The following RAP1GDS1 variants were observed in gnomAD, a reference collection of about 807,000 sequenced individuals.
RAP1GDS1 encodes the protein RAP1, GTP-GDP dissociation stimulator 1.
RAP1GDS1 carries 35 observed loss-of-function variants against 71.1 expected under a neutral mutation model. The observed-to-expected ratio is 0.49, with a 90% CI of 0.38 to 0.65. The LOEUF is 0.65. Ranked by LOEUF, RAP1GDS1 falls within the 30% of genes least tolerant of loss-of-function variation. The probability of loss-of-function intolerance (pLI) is 0.00; values close to 1 mark genes in which losing one functional copy is unlikely to be tolerated. For synonymous variants in RAP1GDS1, 229 were observed against 243.1 expected, an observed-to-expected ratio of 0.94 and a Z score of 0.54; for missense variants, 663 against 706.1, an observed-to-expected ratio of 0.94 and a Z score of 0.69.
At chr4:98,325,513 G>A (rs1435301420) in intron 2 of RAP1GDS1, among the ~76,000 whole-genome samples, 2 of 151,544 alleles carry the variant, frequency 1.3e-5, no homozygotes, top group African/African-American at 2.4e-5. Flanking sequence ...CAAAGACTTG[G>A]AACCAACCCA....
intron 2 of RAP1GDS1, among the ~76,000 whole-genome samples, chr4:98,304,336 C>T (rs1023775463): frequency 3.3e-5 from 5 of 152,214 alleles, no homozygotes; most frequent in African/African-American, 1.2e-4. Flanking sequence ...GTTCCTATTT[C>T]TCCACAGCCT....
rs367781468 is a variant in RAP1GDS1, at chr4:98,290,972, C to T, written c.5-2436C>T. ...AAAGGGGCAGATAGAGAAGGAAGATCTATTGAAGAAGACCAAAAACAAGTG... is the reference window on the plus strand; with the variant it reads ...AAAGGGGCAGATAGAGAAGGAAGATTTATTGAAGAAGACCAAAAACAAGTG... On this transcript the variant is annotated intron_variant, in intron 1 of 14. Transcript: ENST00000408927. 9.0e-4 allele frequency among the ~76,000 whole-genome samples: 137 copies of T among 152,166 alleles called. 1 individual carries two copies. The Middle Eastern group carries it at 0.014, about 15-fold the overall frequency.
chr4:98,324,465 C>G (rs1414422516), intron 2 of RAP1GDS1, among the ~76,000 whole-genome samples: 3 of 150,646 alleles, frequency 2.0e-5, no homozygotes, highest in South Asian at 4.2e-4. Context: ...ATCGCCAAGT[C>G]AATCCTAAGC....
chr4:98,309,168 T>C (rs1729832996), intron 2 of RAP1GDS1, among the ~76,000 whole-genome samples: 1 of 152,034 alleles, frequency 6.6e-6, no homozygotes, highest in South Asian at 2.1e-4. Context: ...AAATTTTTAA[T>C]AAATTAGAAC....
chr4:98,298,145 T>A (rs1254001038), intron 2 of RAP1GDS1, among the ~76,000 whole-genome samples: 1 of 152,120 alleles, frequency 6.6e-6, no homozygotes, highest in Non-Finnish European at 1.5e-5. Flanking sequence ...TTAAGAAAAG[T>A]TGGACACTAG....
chr4:98,274,948 TC>T (rs1433215804), intron 1 of RAP1GDS1, among the ~76,000 whole-genome samples: 6 of 152,012 alleles, frequency 3.9e-5, no homozygotes, highest in Non-Finnish European at 8.8e-5. Context: ...TTTAATTAAC[TC>T]CCCATGGGTA....
intron 12 of RAP1GDS1, among the ~76,000 whole-genome samples, chr4:98,421,924 G>A (rs1157606165): frequency 3.3e-5 from 5 of 151,976 alleles, no homozygotes; most frequent in South Asian, 2.1e-4. Flanking sequence ...CTTGTTGGGC[G>A]TGGTGGCTGA....
chr4:98,433,987 A>G lies in RAP1GDS1; in HGVS notation c.1492A>G (p.Met498Val). The change falls in exon 13 of 15, where the codon ATG (methionine) becomes GTG (valine). Residue 498 changes from methionine (M) to valine (V), a missense_variant. Coordinates refer to ENST00000408927, the MANE Select transcript of RAP1GDS1 (RefSeq NM_001100427.2). ...QSGGIKHLVT[M>V]ATSEHVIMQN... ...TGGTGGCATCAAGCATCTAGTTACCATGGCAACTAGTGAACATGTAATAAT... is the reference window on the plus strand; with the variant it reads ...TGGTGGCATCAAGCATCTAGTTACCGTGGCAACTAGTGAACATGTAATAAT... The G allele has an allele frequency of 1.2e-6, 2 of 1,613,076 alleles. No individual in the cohort carries two copies. Among genetic ancestry groups the G allele is most frequent in the Non-Finnish European group, 1.7e-6 (2 of 1,179,008 alleles).
At chr4:98,306,199 T>C (rs187663043) in intron 2 of RAP1GDS1, among the ~76,000 whole-genome samples, 5 of 152,320 alleles carry the variant, frequency 3.3e-5, no homozygotes, top group African/African-American at 9.6e-5. Flanking sequence ...TGTGCTGTTA[T>C]AACAGAATAC....
At chr4:98,399,169 G>A (rs1194967777) in intron 6 of RAP1GDS1, among the ~76,000 whole-genome samples, 13 of 152,092 alleles carry the variant, frequency 8.5e-5, no homozygotes, top group Admixed American at 6.5e-5. Flanking sequence ...TCTAAGAAAT[G>A]TTTATGTATA....
At chr4:98,358,583 A>G (rs1738274618) in intron 4 of RAP1GDS1, among the ~76,000 whole-genome samples, 1 of 151,988 alleles carries the variant, frequency 6.6e-6, no homozygotes, top group African/African-American at 2.4e-5. Context: ...CTATTTCTTG[A>G]GACCAAAAAC....
At chr4:98,275,342 TTTGTAGTGCATCCAGCAAC>T (rs1161546811) in intron 1 of RAP1GDS1, among the ~76,000 whole-genome samples, 4 of 152,138 alleles carry the variant, frequency 2.6e-5, no homozygotes, top group African/African-American at 7.2e-5. Context: ...GTCACTGCAA[TTTGTAGTGCATCCAGCAAC>T]TGTGTAAAGT....
intron 1 of RAP1GDS1, among the ~76,000 whole-genome samples, chr4:98,282,244 T>A (rs1725223273): frequency 6.6e-6 from 1 of 152,172 alleles, no homozygotes; most frequent in Admixed American, 6.5e-5. Flanking sequence ...GTCCCTGGAC[T>A]TTTTTTGGTT....
intron 7 of RAP1GDS1, among the ~76,000 whole-genome samples, chr4:98,416,337 T>A (rs983180974): frequency 9.7e-6 from 1 of 102,744 alleles, no homozygotes; most frequent in Admixed American, 1.0e-4. Context: ...TTTCTTAGTT[T>A]TTTTTTTTTT....
At chr4:98,341,109 C>CT (rs1205740504) in intron 2 of RAP1GDS1, among the ~76,000 whole-genome samples, 2 of 152,096 alleles carry the variant, frequency 1.3e-5, no homozygotes, top group Non-Finnish European at 2.9e-5. Context: ...TTGTTCTTTA[C>CT]TTTTTTATGT....
At position 98,417,511 on chromosome 4, in the gene RAP1GDS1, G is replaced by A. The variant is rs2110185524; in HGVS notation, c.1039+13G>A. 3.1e-6 allele frequency: 5 copies of A among 1,611,490 alleles called. No homozygotes were observed. The highest frequency in any genetic ancestry group is 1.1e-5 in the South Asian group (1 of 90,920). On this transcript the variant is annotated intron_variant, in intron 9 of 14. Coordinates refer to ENST00000408927, the MANE Select transcript of RAP1GDS1 (RefSeq NM_001100427.2). ...TTTGCCAGAAATGGTAAGCATATTAGTTCCTCCTTTGTTAGTCAAATACTC... is the reference window on the plus strand; with the variant it reads ...TTTGCCAGAAATGGTAAGCATATTAATTCCTCCTTTGTTAGTCAAATACTC...
At chr4:98,398,488 A>C (rs2110141211) in intron 6 of RAP1GDS1, among the ~76,000 whole-genome samples, 1 of 152,332 alleles carries the variant, frequency 6.6e-6, no homozygotes, top group Admixed American at 6.5e-5. Context: ...GGGGAAGTAA[A>C]GTTGAATACA....
chr4:98,339,362 A>C (rs1735157947), intron 2 of RAP1GDS1, among the ~76,000 whole-genome samples: 2 of 152,162 alleles, frequency 1.3e-5, no homozygotes, highest in Non-Finnish European at 2.9e-5. Flanking sequence ...AAAATTCAAA[A>C]ACTGCCAGTT....
intron 2 of RAP1GDS1, among the ~76,000 whole-genome samples, chr4:98,293,846 TA>T: frequency 6.6e-6 from 1 of 152,212 alleles, no homozygotes; most frequent in South Asian, 2.1e-4. Flanking sequence ...ATCTGTGCTT[TA>T]AAAATAGATT....
Sources: gnomAD v4.1 joint callset for allele counts (sites outside exome capture counted in the v4.1 genomes callset) on GRCh38, gnomAD v4.1.1 for gene constraint, MANE v1.5 for transcripts, NCBI Gene and HGNC (gene_info 2026-07-23, HGNC 2026-07-21) for gene names.